EDA: variants seen among roughly 807,000 people sequenced by gnomAD.
The protein encoded by EDA is ectodysplasin A.
EDA carries 2 observed loss-of-function variants against 23.6 expected under a neutral mutation model. The observed-to-expected ratio is 0.08, with a 90% CI of 0.03 to 0.27. EDA has a LOEUF of 0.27. Among genes scored for constraint, EDA ranks in the 10% least tolerant of loss-of-function variants. The probability of loss-of-function intolerance (pLI) is 1.00; values close to 1 mark genes in which losing one functional copy is unlikely to be tolerated. For synonymous variants in EDA, 131 were observed against 132.0 expected, an observed-to-expected ratio of 0.99 and a Z score of 0.05; for missense variants, 229 against 324.2, an observed-to-expected ratio of 0.71 and a Z score of 2.26.
intron 1 of EDA, among the ~76,000 whole-genome samples, chrX:69,808,485 T>C (rs1401469165): frequency 8.9e-6 from 1 of 111,732 alleles, no homozygotes; most frequent in East Asian, 2.8e-4. Context: ...TTATTGCCCA[T>C]GTGGTTGAAC....
intron 1 of EDA, among the ~76,000 whole-genome samples, chrX:69,713,678 ATTG>A (rs746194297): frequency 8.9e-6 from 1 of 111,826 alleles, no homozygotes; most frequent in African/African-American, 3.2e-5. Flanking sequence ...ATCCATCCAA[ATTG>A]TTGTGTGTAT....
chrX:69,636,632 GTT>G (rs200303089), intron 1 of EDA, among the ~76,000 whole-genome samples: 11 of 89,405 alleles, frequency 1.2e-4, no homozygotes, highest in Admixed American at 1.3e-4. Flanking sequence ...CTGGTTCATG[GTT>G]TTTTTTTTTT....
intron 2 of EDA, among the ~76,000 whole-genome samples, chrX:69,978,013 A>G (rs1289772565): frequency 2.7e-5 from 3 of 110,780 alleles, no homozygotes; most frequent in African/African-American, 9.8e-5. Context: ...TCAACATTCA[A>G]GAAGACCATT....
At chrX:69,692,521 C>T (rs1250232711) in intron 1 of EDA, among the ~76,000 whole-genome samples, 4 of 111,767 alleles carry the variant, frequency 3.6e-5, no homozygotes, top group African/African-American at 9.7e-5. Flanking sequence ...AGCTAACACA[C>T]GTCATTAGCA....
At chrX:69,858,679 G>T (rs942157317) in intron 1 of EDA, among the ~76,000 whole-genome samples, 1 of 111,954 alleles carries the variant, frequency 8.9e-6, no homozygotes, top group African/African-American at 3.2e-5. Context: ...AAGGATATTG[G>T]CCTAAAGTTT....
In EDA at chrX:69,653,961, A is replaced by G. The variant is rs1294832212; in HGVS notation, c.396+37257A>G. ...CAAAATTGAAAAATGGGATCTAATTAAACTAAAGAGCTTCTGCACAGCAAA... is the reference window on the plus strand; with the variant it reads ...CAAAATTGAAAAATGGGATCTAATTGAACTAAAGAGCTTCTGCACAGCAAA... On this transcript the variant is annotated intron_variant, in intron 1 of 7. Transcript: ENST00000374552. Among the ~76,000 whole-genome samples, 4 of 111,853 alleles carry G rather than the reference A, an allele frequency of 3.6e-5. No individual in the cohort carries two copies. The South Asian group carries it at 1.1e-3, about 32-fold the overall frequency.
chrX:69,800,433 A>C (rs906586171), intron 1 of EDA, among the ~76,000 whole-genome samples: 2 of 111,572 alleles, frequency 1.8e-5, no homozygotes, highest in Non-Finnish European at 3.8e-5. Context: ...GGTAATGGAT[A>C]CCCTAAATAC....
chrX:69,953,080 T>A (rs2018951415), intron 1 of EDA, among the ~76,000 whole-genome samples: 1 of 112,097 alleles, frequency 8.9e-6, no homozygotes, highest in Non-Finnish European at 1.9e-5. Flanking sequence ...AGTAAACAAA[T>A]GGTTTCTAAG....
chrX:69,922,703 G>C (rs1186791967), intron 1 of EDA, among the ~76,000 whole-genome samples: 2 of 111,616 alleles, frequency 1.8e-5, no homozygotes, highest in Non-Finnish European at 3.8e-5. Context: ...AATTCAGGCT[G>C]CTACCTTTTT....
chrX:69,904,601 C>T (rs1271795214), intron 1 of EDA, among the ~76,000 whole-genome samples: 2 of 112,231 alleles, frequency 1.8e-5, no homozygotes, highest in Non-Finnish European at 3.8e-5. Flanking sequence ...CTTCCCACTT[C>T]GGCCTTCCGA....
chrX:69,987,182 T>A (rs6625558), intron 2 of EDA, among the ~76,000 whole-genome samples: 1 of 95,231 alleles, frequency 1.1e-5, no homozygotes, highest in South Asian at 5.6e-4. Flanking sequence ...ATAGATGACA[T>A]GTTAGTGGGT....
At chrX:69,682,685 C>G (rs1405672193) in intron 1 of EDA, among the ~76,000 whole-genome samples, 2 of 111,541 alleles carry the variant, frequency 1.8e-5, no homozygotes, top group Non-Finnish European at 3.8e-5. Flanking sequence ...TCGGCTCGCA[C>G]ACGGTTCACG....
intron 1 of EDA, among the ~76,000 whole-genome samples, chrX:69,730,691 CGT>C (rs1253893634): frequency 9.0e-6 from 1 of 111,722 alleles, no homozygotes; most frequent in Non-Finnish European, 1.9e-5. Flanking sequence ...GCTTAAAATG[CGT>C]GTGTTTGATT....
At chrX:69,643,400 C>T (rs953055376) in intron 1 of EDA, among the ~76,000 whole-genome samples, 1 of 110,983 alleles carries the variant, frequency 9.0e-6, no homozygotes, top group African/African-American at 3.3e-5. Flanking sequence ...AGCCCAGCAT[C>T]CATTAGCTAT....
intron 1 of EDA, among the ~76,000 whole-genome samples, chrX:69,849,090 C>T (rs28562393): frequency 0.11 from 4,008 of 36,189 alleles, 188 homozygotes; most frequent in African/African-American, 0.24. Flanking sequence ...TATACACACA[C>T]ACACACACAC....
intron 1 of EDA, among the ~76,000 whole-genome samples, chrX:69,790,746 C>T (rs1381369408): frequency 9.0e-6 from 1 of 111,309 alleles, no homozygotes; most frequent in East Asian, 2.8e-4. Context: ...CTGCTCTACA[C>T]TATCATATTT....
At chrX:69,712,462 G>A (rs1371016844) in intron 1 of EDA, among the ~76,000 whole-genome samples, 2 of 111,618 alleles carry the variant, frequency 1.8e-5, no homozygotes, top group Non-Finnish European at 3.8e-5. Flanking sequence ...ATGAGAAAAT[G>A]CTCATCATCA....
intron 1 of EDA, among the ~76,000 whole-genome samples, chrX:69,951,872 A>AT (rs1272263768): frequency 9.0e-6 from 1 of 111,729 alleles, no homozygotes; most frequent in East Asian, 2.8e-4. Context: ...AAAGAATTAG[A>AT]TTTTTTTCCC....
At chrX:69,790,425 G>A (rs979410427) in intron 1 of EDA, among the ~76,000 whole-genome samples, 31 of 110,730 alleles carry the variant, frequency 2.8e-4, no homozygotes, top group Admixed American at 7.7e-4. Context: ...TTGCTTAGCC[G>A]TATATTTTAT....
Sources: gnomAD v4.1 joint callset for allele counts (sites outside exome capture counted in the v4.1 genomes callset) on GRCh38, gnomAD v4.1.1 for gene constraint, MANE v1.5 for transcripts, NCBI Gene and HGNC (gene_info 2026-07-23, HGNC 2026-07-21) for gene names.